The following HERC1 variants were observed in gnomAD, a reference collection of about 807,000 sequenced individuals.
HERC1 encodes probable E3 ubiquitin-protein ligase HERC1.
Under a neutral mutation model 554.3 loss-of-function variants are expected in HERC1, and 160 were observed. That is an observed-to-expected ratio of 0.29 (90% confidence interval 0.25 to 0.33). The LOEUF (loss-of-function observed/expected upper bound fraction) is 0.33, where lower values mean the gene tolerates loss of function less well. Among genes scored for constraint, HERC1 ranks in the 10% least tolerant of loss-of-function variants. The probability of loss-of-function intolerance (pLI) is 1.00; values close to 1 mark genes in which losing one functional copy is unlikely to be tolerated. For synonymous variants in HERC1, 2,175 were observed against 2,131.7 expected, an observed-to-expected ratio of 1.02 and a Z score of -0.56; for missense variants, 4,919 against 5,918.5, an observed-to-expected ratio of 0.83 and a Z score of 5.54.
At chr15:63,697,923 T>C (rs113824124) in intron 26 of HERC1, among the ~76,000 whole-genome samples, 17 of 152,194 alleles carry the variant, frequency 1.1e-4, no homozygotes, top group African/African-American at 1.9e-4. Context: ...TATGGAAGAA[T>C]TGTGGACATG....
intron 55 of HERC1, 76 bp from the exon 56 acceptor site, chr15:63,645,758 C>T (rs2069304906): frequency 1.3e-6 from 1 of 792,306 alleles, no homozygotes; most frequent in Non-Finnish European, 2.0e-6. Flanking sequence ...TAATACATAA[C>T]TTATATTTCT....
rs1303711921 is a variant in HERC1 at position 63,718,187 on chromosome 15, G to A, written c.3978+387C>T. Among the ~76,000 whole-genome samples, 1 of 150,974 alleles carries A rather than the reference G, an allele frequency of 6.6e-6. No individual in the cohort carries two copies. Among genetic ancestry groups the A allele is most frequent in the African/African-American group, 2.4e-5 (1 of 40,984 alleles). On this transcript the variant is annotated intron_variant, in intron 21 of 77. Transcript: ENST00000443617. The surrounding 1 kb of genome is among the most constrained non-coding windows in gnomAD (Gnocchi z 4.2). ...TTTTGATACTTTCTAGTCCTTCTAT[G>A]ACATAATTTTTGGACTTTATCAATC...
chr15:63,795,104 C>G (rs1456180823), intron 1 of HERC1, among the ~76,000 whole-genome samples: 4 of 146,990 alleles, frequency 2.7e-5, no homozygotes, highest in African/African-American at 1.0e-4. Context: ...GAATAATCAT[C>G]CTTTTTCCTA....
chr15:63,700,886 A>G (rs2072681555), intron 25 of HERC1, among the ~76,000 whole-genome samples: 1 of 151,996 alleles, frequency 6.6e-6, no homozygotes, highest in African/African-American at 2.4e-5. Context: ...AAAAATATTT[A>G]AAGAATAAAG....
chr15:63,702,216 A>G (rs2153080423), intron 25 of HERC1, among the ~76,000 whole-genome samples: 1 of 152,272 alleles, frequency 6.6e-6, no homozygotes, highest in Non-Finnish European at 1.5e-5. Context: ...ACCACACGAG[A>G]ATCAGAAAAC....
intron 54 of HERC1, 149 bp from the exon 55 acceptor site, chr15:63,648,348 G>C (rs1228448984): frequency 8.5e-6 from 6 of 708,058 alleles, no homozygotes; most frequent in Non-Finnish European, 1.4e-5. Context: ...ACAAAATGTA[G>C]GCGTACAGTG....
intron 24 of HERC1, among the ~76,000 whole-genome samples, chr15:63,707,567 T>C (rs1295136048): frequency 1.3e-5 from 2 of 152,164 alleles, no homozygotes; most frequent in East Asian, 1.9e-4. Context: ...CTTGACATTA[T>C]GGTATCAGCA....
At chr15:63,833,743 ACGCG>A (rs145148725) in intron 1 of HERC1, 80 bp downstream of exon 1, 1,958 of 66,290 alleles carry the variant, frequency 0.03, 55 homozygotes, top group African/African-American at 0.042. Context: ...CAAAGCACAC[ACGCG>A]CGCGCGCACA....
Position 63,710,760 on chromosome 15 carries a change from G to C in HERC1, c.4584+2015C>G, listed in dbSNP as rs542173906. Among the ~76,000 whole-genome samples the C allele has an allele frequency of 3.3e-5, 5 of 152,354 alleles. No individual in the cohort carries two copies. The South Asian group carries it at 6.2e-4, about 19-fold the overall frequency. On this transcript the variant is annotated intron_variant, in intron 24 of 77. Coordinates refer to ENST00000443617, the MANE Select transcript of HERC1 (RefSeq NM_003922.4). ...ATCAGAATGAAGACTTGAAGAAAGA[G>C]AGGGAGTTAGCCATGCAGGCAATAG... is the stretch of plus-strand genomic sequence containing the variant.
intron 34 of HERC1, 105 bp downstream of exon 34, chr15:63,686,254 A>G: frequency 1.3e-6 from 1 of 772,294 alleles, no homozygotes; most frequent in Non-Finnish European, 2.1e-6. Context: ...TAGAACATTT[A>G]CATATCACGA....
At chr15:63,645,827 T>C (rs2069308980) in intron 55 of HERC1, 145 bp from the exon 56 acceptor site, 1 of 581,042 alleles carries the variant, frequency 1.7e-6, no homozygotes, top group Non-Finnish European at 3.0e-6. Flanking sequence ...GCAAATCAGA[T>C]ACTGCCATAT....
chr15:63,794,559 G>A (rs2076754751), intron 1 of HERC1, among the ~76,000 whole-genome samples: 1 of 152,132 alleles, frequency 6.6e-6, no homozygotes, highest in Non-Finnish European at 1.5e-5. Context: ...CCAGGCATCA[G>A]CAAATTCATT....
At chr15:63,830,652 G>C (rs1205474864) in intron 1 of HERC1, among the ~76,000 whole-genome samples, 1 of 152,160 alleles carries the variant, frequency 6.6e-6, no homozygotes, top group Non-Finnish European at 1.5e-5. Flanking sequence ...TAACATTAGG[G>C]GGAGCTTGGT....
chr15:63,612,244 T>A lies in HERC1; in HGVS notation c.14400+7A>T. The stretch of plus-strand genomic sequence containing the variant: ...CATTACAAAGGAAAAAAGAATAGCT[T>A]ACTTACCCTATCAACCTTCATGATT... On this transcript the variant is annotated splice_region_variant and intron_variant, in intron 77 of 77. Transcript: ENST00000443617. This position sits in a 1 kb window ranked among gnomAD's most constrained non-coding sequence, Gnocchi z 5.0. 6.3e-7 allele frequency: 1 copy of A among 1,595,750 alleles called. No individual in the cohort carries two copies. The highest frequency in any genetic ancestry group is 8.6e-7 in the Non-Finnish European group (1 of 1,167,752).
chr15:63,720,211 C>T (rs552851400), intron 19 of HERC1, among the ~76,000 whole-genome samples: 22 of 149,154 alleles, frequency 1.5e-4, no homozygotes, highest in Non-Finnish European at 3.3e-4. Context: ...TCAAGCGATC[C>T]TCCTGCCTCA....
At chr15:63,761,202 A>G (rs2075600122) in intron 3 of HERC1, among the ~76,000 whole-genome samples, 1 of 152,216 alleles carries the variant, frequency 6.6e-6, no homozygotes, top group Non-Finnish European at 1.5e-5. Context: ...TCAAACTATC[A>G]AAAAGAATAG....
intron 12 of HERC1, among the ~76,000 whole-genome samples, chr15:63,735,871 A>C (rs142829886): frequency 1.3e-5 from 2 of 152,338 alleles, no homozygotes; most frequent in East Asian, 1.9e-4. Flanking sequence ...CAAATCTTTA[A>C]TGACTTTCTC....
rs748042698 is a variant in HERC1 at position 63,624,380 on chromosome 15, A to G, written c.13276-53T>C. 3.4e-6 allele frequency: 5 copies of G among 1,474,628 alleles called. No homozygotes were observed. The African/African-American group carries it at 5.6e-5, about 17-fold the overall frequency. 91.3% of individuals were successfully genotyped at this position (1,474,628 alleles called of 1,614,324 possible). On this transcript the variant is annotated intron_variant, in intron 71 of 77. Transcript: ENST00000443617. ...ATGGTACAATCTAGGCTTAAAAGAA[A>G]TAACAATTTTCACTTATAGAACATA...
rs752851964 is a variant in HERC1, at chr15:63,659,844, G to C, written c.9316C>G (p.Arg3106Gly). 1 of 1,613,756 alleles carries C rather than the reference G, an allele frequency of 6.2e-7. No individual in the cohort carries two copies. Among genetic ancestry groups the C allele is most frequent in the Non-Finnish European group, 8.5e-7 (1 of 1,179,768 alleles). Residue 3106 changes from arginine (R) to glycine (G), a missense_variant, in exon 47 of 78, where the codon CGG (arginine) becomes GGG (glycine). By Grantham distance (125) the Arg-to-Gly change is moderately radical. This residue lies in a region of HERC1 where 1,963 missense variants were observed against 2,228.6 expected (regional missense o/e 0.88). Coordinates refer to ENST00000443617, the MANE Select transcript of HERC1 (RefSeq NM_003922.4). ...TGAACTGGTTCTGGTACAATGCGCC[G>C]GTCATTTAAACCAAGCGGTCCAGCA... ...LLAGPLGLND[R>G]RIVPEPVQFP...
Sources: gnomAD v4.1 joint callset for allele counts (sites outside exome capture counted in the v4.1 genomes callset) on GRCh38, gnomAD v4.1.1 for gene constraint, gnomAD v4.1.1 regional missense constraint, Gnocchi (gnomAD v3.1) non-coding constraint, MANE v1.5 for transcripts, NCBI Gene and HGNC (gene_info 2026-07-23, HGNC 2026-07-21) for gene names.